Variants in RTN4RL1 observed in about 807,000 individuals in gnomAD.
RTN4RL1 encodes reticulon 4 receptor like 1, also known as reticulon-4 receptor-like 1.
Under a neutral mutation model 25.6 loss-of-function variants are expected in RTN4RL1, and 7 were observed. That is an observed-to-expected ratio of 0.27 (90% CI 0.16 to 0.51). The LOEUF (loss-of-function observed/expected upper bound fraction) is 0.51, where lower values mean the gene tolerates loss of function less well. Among genes scored for constraint, RTN4RL1 ranks in the 20% least tolerant of loss-of-function variants. The pLI is 0.97. For synonymous variants in RTN4RL1, 297 were observed against 288.2 expected, an observed-to-expected ratio of 1.03 and a Z score of -0.31; for missense variants, 500 against 615.6, an observed-to-expected ratio of 0.81 and a Z score of 1.99.
At chr17:1,945,939 C>T (rs55876829) in intron 1 of RTN4RL1, among the ~76,000 whole-genome samples, 251 of 152,150 alleles carry the variant, frequency 1.6e-3, no homozygotes, top group African/African-American at 5.6e-3. Context: ...TCCTAGCAGG[C>T]GCTCCATAAA....
At chr17:2,016,100 G>C (rs2067118762) in intron 1 of RTN4RL1, among the ~76,000 whole-genome samples, 1 of 152,218 alleles carries the variant, frequency 6.6e-6, no homozygotes, top group Non-Finnish European at 1.5e-5. Context: ...ACCTTTGAAG[G>C]CCGGGCGCGG....
chr17:2,007,337 A>AACAC (rs34669886), intron 1 of RTN4RL1, among the ~76,000 whole-genome samples: 23,707 of 140,216 alleles, frequency 0.17, 2,319 homozygotes, highest in Non-Finnish European at 0.22. Context: ...TCACAGCCCC[A>AACAC]ACACACACAC....
intron 1 of RTN4RL1, among the ~76,000 whole-genome samples, chr17:2,024,640 C>T (rs2067249801): frequency 6.6e-6 from 1 of 152,206 alleles, no homozygotes; most frequent in Admixed American, 6.5e-5. Context: ...GGCCTGGCCA[C>T]TCGATCCATG....
At chr17:1,963,773 C>T (rs189961534) in intron 1 of RTN4RL1, among the ~76,000 whole-genome samples, 595 of 152,202 alleles carry the variant, frequency 3.9e-3, no homozygotes, top group Non-Finnish European at 6.7e-3. Flanking sequence ...CTCTTGTTGC[C>T]CGGGCTGGAG....
chr17:2,001,772 A>G (rs2066958961), intron 1 of RTN4RL1, among the ~76,000 whole-genome samples: 1 of 152,076 alleles, frequency 6.6e-6, no homozygotes, highest in Non-Finnish European at 1.5e-5. Context: ...TGGCCAGTGG[A>G]GAGCTGGGCC....
chr17:1,982,720 T>C (rs996114850), intron 1 of RTN4RL1, among the ~76,000 whole-genome samples: 3 of 152,214 alleles, frequency 2.0e-5, no homozygotes, highest in African/African-American at 7.2e-5. Flanking sequence ...CCCTCCTGCA[T>C]GGAGGTGGAC....
chr17:1,971,961 C>CA lies in RTN4RL1; in HGVS notation c.14-34154dup, dbSNP rs1323277246. Among the ~76,000 whole-genome samples, 401 of 59,838 alleles carry CA rather than the reference C, an allele frequency of 6.7e-3. 7 individuals carry two copies. The highest frequency in any genetic ancestry group is 0.011 in the South Asian group (21 of 1,870). 39.3% of individuals were successfully genotyped at this position (59,838 alleles called of 152,430 possible). A position where few individuals can be genotyped will look rare whatever the true frequency, so the allele number is the denominator to read the frequency against. On this transcript the variant is annotated intron_variant, in intron 1 of 1. Transcript: ENST00000331238. The stretch of plus-strand genomic sequence containing the variant: ...TGGGCGACAGAGCCAGACTCCCTCT[C>CA]AAAAAAAAAAAAAAAAAATTTTAAA...
chr17:1,965,909 G>C (rs780330075), intron 1 of RTN4RL1, among the ~76,000 whole-genome samples: 4 of 152,100 alleles, frequency 2.6e-5, no homozygotes, highest in Non-Finnish European at 5.9e-5. Context: ...GAGAGGGATG[G>C]CTCGCTCTCT....
intron 1 of RTN4RL1, among the ~76,000 whole-genome samples, chr17:1,962,804 G>A (rs2066771334): frequency 6.8e-6 from 1 of 147,708 alleles, no homozygotes; most frequent in Admixed American, 6.8e-5. Flanking sequence ...AGAGGTTGCA[G>A]TGAGCCGAGA....
chr17:1,940,040 G>A (rs1050447394), intron 1 of RTN4RL1, among the ~76,000 whole-genome samples: 3 of 152,148 alleles, frequency 2.0e-5, no homozygotes, highest in Non-Finnish European at 2.9e-5. Context: ...GCCTCGTGCC[G>A]CTGCCTGCCC....
chr17:2,002,470 T>TTTG (rs1567521980), intron 1 of RTN4RL1, among the ~76,000 whole-genome samples: 1 of 150,228 alleles, frequency 6.7e-6, no homozygotes, highest in Non-Finnish European at 1.5e-5. Flanking sequence ...TTTTTTGTAT[T>TTTG]TTTAGTACAG....
In RTN4RL1 at chr17:1,936,669, G is replaced by T. The variant is rs199704619; in HGVS notation, c.1153C>A (p.Gln385Lys). 1.2e-5 allele frequency: 19 copies of T among 1,585,586 alleles called. No individual in the cohort carries two copies. The African/African-American group carries it at 1.6e-4, about 14-fold the overall frequency. The change falls in exon 2 of 2, where the codon CAG becomes AAG. Residue 385 changes from glutamine to lysine, a missense_variant. By Grantham distance (53) the Gln-to-Lys change is moderately conservative (BLOSUM62 1). Coordinates refer to ENST00000331238, the MANE Select transcript of RTN4RL1 (RefSeq NM_178568.4). Reference sequence around the variant, plus strand: ...ATGATGTCAAAACTGAACTTGTGCTGGTAGTCTGGGGCATAGTCTGGCAGC... The same window carrying T: ...ATGATGTCAAAACTGAACTTGTGCTTGTAGTCTGGGGCATAGTCTGGCAGC... ...PELPDYAPDY[Q>K]HKFSFDIMPT...
chr17:1,936,205 A>C lies in RTN4RL1; in HGVS notation c.*291T>G, dbSNP rs1315440419. 8.1e-7 allele frequency: 1 copy of C among 1,235,188 alleles called. No individual in the cohort carries two copies. The highest frequency in any genetic ancestry group is 1.6e-5 in the African/African-American group (1 of 63,718). 76.5% of individuals were successfully genotyped at this position (1,235,188 alleles called of 1,614,324 possible). ...GCAATTGTCCCACTGTTGCCAGTGGAGGATGCACTTGGAGTGCCTTTTCCC... is the reference window on the plus strand; with the variant it reads ...GCAATTGTCCCACTGTTGCCAGTGGCGGATGCACTTGGAGTGCCTTTTCCC... On this transcript the variant is annotated 3_prime_UTR_variant, in exon 2 of 2. Coordinates refer to ENST00000331238, the MANE Select transcript of RTN4RL1 (RefSeq NM_178568.4).
Position 2,009,603 on chromosome 17 carries a change from A to G in RTN4RL1, c.13+15250T>C, listed in dbSNP as rs561845735. On this transcript the variant is annotated intron_variant, in intron 1 of 1. Coordinates refer to ENST00000331238, the MANE Select transcript of RTN4RL1 (RefSeq NM_178568.4). ...CAAGACTCCGTCTCAAAAAAAAAAA[A>G]AAAAGGCAGGATTCATGGGAATCAA... Among the ~76,000 whole-genome samples the G allele has an allele frequency of 1.9e-4, 24 of 125,118 alleles. 6 individuals are homozygous for G. Among genetic ancestry groups the G allele is most frequent in the South Asian group, 6.0e-4 (2 of 3,344 alleles). 82.1% of individuals were successfully genotyped at this position (125,118 alleles called of 152,430 possible). A position where few individuals can be genotyped will look rare whatever the true frequency, so the allele number is the denominator to read the frequency against.
chr17:2,022,484 A>C (rs2067221548), intron 1 of RTN4RL1, among the ~76,000 whole-genome samples: 1 of 152,198 alleles, frequency 6.6e-6, no homozygotes, highest in African/African-American at 2.4e-5. Context: ...AACTTTGGGA[A>C]GAATTCTAGA....
chr17:1,979,352 C>T (rs1369898779), intron 1 of RTN4RL1, among the ~76,000 whole-genome samples: 1 of 151,948 alleles, frequency 6.6e-6, no homozygotes, highest in Non-Finnish European at 1.5e-5. Flanking sequence ...TGGCACACGC[C>T]TGTGGTCCCA....
intron 1 of RTN4RL1, among the ~76,000 whole-genome samples, chr17:1,939,214 G>C (rs959717327): frequency 1.3e-5 from 2 of 151,510 alleles, no homozygotes; most frequent in Admixed American, 1.3e-4. Context: ...TTAGCCGGGC[G>C]TGGTGGCGCG....
intron 1 of RTN4RL1, among the ~76,000 whole-genome samples, chr17:1,989,116 T>C (rs2066899157): frequency 6.6e-6 from 1 of 152,102 alleles, no homozygotes; most frequent in African/African-American, 2.4e-5. Context: ...AGGAGGCTAC[T>C]GCAGTAGTCC....
intron 1 of RTN4RL1, among the ~76,000 whole-genome samples, chr17:1,942,112 G>A (rs1915449763): frequency 6.6e-6 from 1 of 152,118 alleles, no homozygotes; most frequent in Non-Finnish European, 1.5e-5. Flanking sequence ...GCCAGAGGGG[G>A]CTGAGGAGAG....
Sources: allele counts gnomAD v4.1 joint callset (sites outside exome capture counted in the v4.1 genomes callset), GRCh38; gene constraint gnomAD v4.1.1; transcripts MANE v1.5; gene names NCBI Gene and HGNC (gene_info 2026-07-23, HGNC 2026-07-21).